The following DLG2 variants were observed in gnomAD, a reference collection of about 807,000 sequenced individuals.
DLG2 encodes the protein discs large MAGUK scaffold protein 2.
DLG2 carries 45 observed loss-of-function variants against 132.5 expected under a neutral mutation model. That is an observed-to-expected ratio of 0.34 (90% CI 0.27 to 0.44). The LOEUF (loss-of-function observed/expected upper bound fraction) is 0.44. Ranked by LOEUF, DLG2 falls within the 20% of genes least tolerant of loss-of-function variation. The pLI, the probability that DLG2 is intolerant of heterozygous loss-of-function variation, is 1.00. For missense variants in DLG2, 1,045 were observed against 1,196.9 expected, an observed-to-expected ratio of 0.87 and a Z score of 1.87; for synonymous variants, 424 against 419.6, an observed-to-expected ratio of 1.01 and a Z score of -0.13.
chr11:84,369,396 T>C (rs2098697216), intron 7 of DLG2, among the ~76,000 whole-genome samples: 1 of 152,190 alleles, frequency 6.6e-6, no homozygotes, highest in South Asian at 2.1e-4. Flanking sequence ...TTAATATTTC[T>C]CATGCATTAA....
At chr11:84,821,471 T>C (rs1396191265) in intron 6 of DLG2, among the ~76,000 whole-genome samples, 1 of 151,672 alleles carries the variant, frequency 6.6e-6, no homozygotes, top group Non-Finnish European at 1.5e-5. Context: ...AACTTGAATG[T>C]TATGTCACAT....
At chr11:85,411,886 T>C (rs912184275) in intron 3 of DLG2, among the ~76,000 whole-genome samples, 2 of 151,908 alleles carry the variant, frequency 1.3e-5, no homozygotes, top group African/African-American at 4.8e-5. Context: ...CCTCCACTTC[T>C]ACACCTCTGA....
chr11:85,414,771 G>A (rs748073614), intron 3 of DLG2, among the ~76,000 whole-genome samples: 3 of 151,920 alleles, frequency 2.0e-5, no homozygotes, highest in Non-Finnish European at 4.4e-5. Context: ...TATAAATTGG[G>A]TAGCTCCAGT....
At chr11:85,241,837 C>T (rs188218106) in intron 4 of DLG2, among the ~76,000 whole-genome samples, 3 of 151,982 alleles carry the variant, frequency 2.0e-5, no homozygotes, top group East Asian at 3.9e-4. Flanking sequence ...TTGTGAGTTC[C>T]CCCACATAGG....
At chr11:83,759,404 A>T (rs2093799823) in intron 18 of DLG2, among the ~76,000 whole-genome samples, 1 of 152,236 alleles carries the variant, frequency 6.6e-6, no homozygotes, top group Non-Finnish European at 1.5e-5. Flanking sequence ...AGCCGTTCAG[A>T]TGGGGGGCAT....
chr11:84,176,185 A>G (rs909053175), intron 8 of DLG2, among the ~76,000 whole-genome samples: 2 of 151,838 alleles, frequency 1.3e-5, no homozygotes, highest in Admixed American at 6.6e-5. Flanking sequence ...ATGTACATAC[A>G]TGCCACACTG....
chr11:83,728,728 T>C (rs1478713901), intron 18 of DLG2, among the ~76,000 whole-genome samples: 2 of 152,224 alleles, frequency 1.3e-5, no homozygotes, highest in African/African-American at 2.4e-5. Context: ...CTTTCAGCAA[T>C]GTCATGCCAG....
chr11:83,514,015 CT>C (rs2095179116), intron 21 of DLG2, among the ~76,000 whole-genome samples: 2 of 152,098 alleles, frequency 1.3e-5, no homozygotes, highest in South Asian at 4.2e-4. Flanking sequence ...AATGCGGGCT[CT>C]TTTTTGGTTC....
At chr11:84,415,357 T>C (rs1473815809) in intron 7 of DLG2, among the ~76,000 whole-genome samples, 1 of 152,182 alleles carries the variant, frequency 6.6e-6, no homozygotes, top group Non-Finnish European at 1.5e-5. Flanking sequence ...GAACAAACTA[T>C]TGCATTAAAC....
intron 6 of DLG2, among the ~76,000 whole-genome samples, chr11:84,811,582 T>C (rs987568406): frequency 6.6e-6 from 1 of 152,184 alleles, no homozygotes; most frequent in Non-Finnish European, 1.5e-5. Context: ...AGTCTCATCA[T>C]CTTATAAGGG....
chr11:84,182,035 C>T (rs1157575281), intron 8 of DLG2, among the ~76,000 whole-genome samples: 1 of 152,138 alleles, frequency 6.6e-6, no homozygotes, highest in Non-Finnish European at 1.5e-5. Context: ...TGATATCAAG[C>T]ACATCCATAG....
intron 19 of DLG2, among the ~76,000 whole-genome samples, chr11:83,556,005 G>A (rs581178): frequency 0.47 from 71,902 of 151,946 alleles, 17,587 homozygotes; most frequent in Admixed American, 0.57. Context: ...AGGGTGTCCC[G>A]AACTCTAATT....
intron 2 of DLG2, among the ~76,000 whole-genome samples, chr11:85,605,959 C>A (rs2080504058): frequency 6.6e-6 from 1 of 151,360 alleles, no homozygotes; most frequent in Admixed American, 6.6e-5. Context: ...GCATGGGTGA[C>A]AGACAGAGAT....
At position 84,541,297 on chromosome 11, in the gene DLG2, C is replaced by A. The variant is rs12575888; in HGVS notation, c.358-6566G>T. The stretch of plus-strand genomic sequence containing the variant: ...AGGATAGGTGCTCAAGACAGGGATG[C>A]CTGGTATACTACTTATGTCTCCCTA... On this transcript the variant is annotated intron_variant, in intron 6 of 27. Coordinates refer to ENST00000376104, the MANE Select transcript of DLG2 (RefSeq NM_001142699.3). Among the ~76,000 whole-genome samples the A allele has an allele frequency of 5.9e-5, 9 of 151,882 alleles. No individual in the cohort carries two copies. In the East Asian group the frequency reaches 1.7e-3, roughly 29 times the overall value.
chr11:84,636,902 C>A (rs2099641464), intron 6 of DLG2, among the ~76,000 whole-genome samples: 2 of 151,942 alleles, frequency 1.3e-5, no homozygotes, highest in Admixed American at 1.3e-4. Context: ...CTGCTTCAAC[C>A]TCCTGAGTAG....
chr11:85,602,815 A>G (rs2080260221), intron 2 of DLG2, among the ~76,000 whole-genome samples: 1 of 152,150 alleles, frequency 6.6e-6, no homozygotes, highest in South Asian at 2.1e-4. Context: ...CTCCTATATC[A>G]TGGCCTCTAT....
chr11:85,109,576 T>G (rs193152106), intron 6 of DLG2, among the ~76,000 whole-genome samples: 9 of 152,236 alleles, frequency 5.9e-5, no homozygotes, highest in African/African-American at 2.2e-4. Context: ...ATTATGCAAT[T>G]TCCTTGCAAC....
At chr11:83,568,851 G>C (rs1157709737) in intron 19 of DLG2, among the ~76,000 whole-genome samples, 1 of 152,054 alleles carries the variant, frequency 6.6e-6, no homozygotes, top group Non-Finnish European at 1.5e-5. Flanking sequence ...TCACATCTGT[G>C]ATTCATTATT....
At chr11:83,778,055 T>C (rs1489914798) in intron 18 of DLG2, among the ~76,000 whole-genome samples, 1 of 152,194 alleles carries the variant, frequency 6.6e-6, no homozygotes, top group Non-Finnish European at 1.5e-5. Flanking sequence ...AGTTGAGGAC[T>C]GACAAATAGC....
Sources: allele counts gnomAD v4.1 joint callset (sites outside exome capture counted in the v4.1 genomes callset), GRCh38; gene constraint gnomAD v4.1.1; transcripts MANE v1.5; gene names NCBI Gene and HGNC (gene_info 2026-07-23, HGNC 2026-07-21).